The following FAM78B variants were observed in gnomAD, a reference collection of about 807,000 sequenced individuals.
The protein encoded by FAM78B is protein FAM78B.
FAM78B carries 10 observed loss-of-function variants against 20.0 expected under a neutral mutation model. The ratio of observed to expected loss-of-function variants is 0.50; its 90% CI spans 0.31 to 0.85. FAM78B has a LOEUF of 0.85. FAM78B is among the 40% of genes least tolerant of loss of function. The probability of loss-of-function intolerance (pLI) is 0.05; values close to 1 mark genes in which losing one functional copy is unlikely to be tolerated. For missense variants in FAM78B, 283 were observed against 345.0 expected (o/e 0.82, Z 1.42); for synonymous variants, 135 against 132.8 (o/e 1.02, Z -0.12).
chr1:166,124,469 G>A (rs979217428), intron 1 of FAM78B, among the ~76,000 whole-genome samples: 5 of 152,338 alleles, frequency 3.3e-5, no homozygotes, highest in Non-Finnish European at 7.3e-5. Flanking sequence ...ACAACCCTAT[G>A]AGGTGGGTAC....
chr1:166,087,901 A>G (rs1316432251), intron 1 of FAM78B, among the ~76,000 whole-genome samples: 2 of 152,292 alleles, frequency 1.3e-5, no homozygotes, highest in Non-Finnish European at 2.9e-5. Flanking sequence ...GTAAATGACT[A>G]CAGTGCAAGG....
chr1:166,099,545 A>T (rs1653423984), intron 1 of FAM78B, among the ~76,000 whole-genome samples: 1 of 152,118 alleles, frequency 6.6e-6, no homozygotes, highest in Non-Finnish European at 1.5e-5. Context: ...GCACATAAAG[A>T]CTCATATAAA....
chr1:166,117,225 AAT>A (rs1345846243), intron 1 of FAM78B, among the ~76,000 whole-genome samples: 2 of 152,168 alleles, frequency 1.3e-5, no homozygotes, highest in Non-Finnish European at 1.5e-5. Context: ...AGAATTCAAG[AAT>A]CCTACTCAAC....
chr1:166,063,546 C>T (rs1255990323), intron 2 of FAM78B, among the ~76,000 whole-genome samples: 1 of 150,854 alleles, frequency 6.6e-6, no homozygotes, highest in Non-Finnish European at 1.5e-5. Context: ...TATAGCAAGA[C>T]TCCAGCTCTG....
intron 1 of FAM78B, among the ~76,000 whole-genome samples, chr1:166,134,815 C>G (rs1655012479): frequency 6.6e-6 from 1 of 152,184 alleles, no homozygotes; most frequent in African/African-American, 2.4e-5. Context: ...CCATGATGCT[C>G]TCTAAAGGTT....
chr1:166,108,237 T>C (rs150294590), intron 1 of FAM78B, among the ~76,000 whole-genome samples: 1 of 149,652 alleles, frequency 6.7e-6, no homozygotes, highest in African/African-American at 2.4e-5. Context: ...TTGTTTACCT[T>C]GAAAACCCTA....
intron 1 of FAM78B, among the ~76,000 whole-genome samples, chr1:166,154,451 T>C (rs1655814077): frequency 6.6e-6 from 1 of 152,242 alleles, no homozygotes; most frequent in African/African-American, 2.4e-5. Context: ...TGCTAATCAC[T>C]GCATATAGAC....
intron 2 of FAM78B, among the ~76,000 whole-genome samples, chr1:166,063,666 T>G (rs1286529898): frequency 6.6e-6 from 1 of 152,180 alleles, no homozygotes; most frequent in Non-Finnish European, 1.5e-5. Flanking sequence ...TCCTCTCTGT[T>G]CCTAGTAATG....
At chr1:166,133,164 G>C (rs1269885972) in intron 1 of FAM78B, among the ~76,000 whole-genome samples, 1 of 152,150 alleles carries the variant, frequency 6.6e-6, no homozygotes, top group Non-Finnish European at 1.5e-5. Flanking sequence ...TCTGCTAGAG[G>C]TTAGACCCCA....
intron 1 of FAM78B, among the ~76,000 whole-genome samples, chr1:166,162,957 A>G (rs1285847067): frequency 6.6e-6 from 1 of 152,124 alleles, no homozygotes; most frequent in Non-Finnish European, 1.5e-5. Flanking sequence ...TCACCTCTAG[A>G]ACACCCTGCT....
chr1:166,061,288 G>A (rs989354818), intron 2 of FAM78B, among the ~76,000 whole-genome samples: 1 of 152,162 alleles, frequency 6.6e-6, no homozygotes, highest in Admixed American at 6.5e-5. Context: ...AACATATGAA[G>A]ATAGTTGCTC....
intron 1 of FAM78B, among the ~76,000 whole-genome samples, chr1:166,071,590 T>C (rs933788143): frequency 6.6e-6 from 1 of 152,260 alleles, no homozygotes; most frequent in Admixed American, 6.5e-5. Context: ...TAATTGCTGA[T>C]ACTTATTGAG....
intron 1 of FAM78B, among the ~76,000 whole-genome samples, chr1:166,140,381 G>T (rs1481682571): frequency 6.6e-6 from 1 of 152,222 alleles, no homozygotes; most frequent in African/African-American, 2.4e-5. Flanking sequence ...TATGTAAACC[G>T]AACTCCAGAT....
chr1:166,119,405 C>T (rs562659441), intron 1 of FAM78B, among the ~76,000 whole-genome samples: 2 of 152,258 alleles, frequency 1.3e-5, no homozygotes, highest in South Asian at 4.1e-4. Flanking sequence ...AGACGACGCA[C>T]ATGGTAAAAA....
chr1:166,066,120 T>A (rs1361969480), downstream of FAM78B, among the ~76,000 whole-genome samples: 1 of 152,196 alleles, frequency 6.6e-6, no homozygotes, highest in Non-Finnish European at 1.5e-5. Flanking sequence ...TGGCAGGGCC[T>A]TGTTCAGCTG....
At chr1:166,139,381 G>C (rs1415483563) in intron 1 of FAM78B, among the ~76,000 whole-genome samples, 1 of 152,204 alleles carries the variant, frequency 6.6e-6, no homozygotes, top group Non-Finnish European at 1.5e-5. Flanking sequence ...AACAGGCATT[G>C]AGAGTACTGT....
At chr1:166,121,069 G>A (rs1171295603) in intron 1 of FAM78B, among the ~76,000 whole-genome samples, 1 of 152,174 alleles carries the variant, frequency 6.6e-6, no homozygotes, top group Non-Finnish European at 1.5e-5. Context: ...TAAATTTGTA[G>A]AGCCTCGGGC....
At chr1:166,140,474 T>C (rs16856607) in intron 1 of FAM78B, among the ~76,000 whole-genome samples, 2,569 of 152,314 alleles carry the variant, frequency 0.017, 80 homozygotes, top group African/African-American at 0.059. Flanking sequence ...CAGGAAACGA[T>C]AGTTAGGATG....
chr1:166,125,244 C>G (rs1654597563), intron 1 of FAM78B, among the ~76,000 whole-genome samples: 1 of 152,138 alleles, frequency 6.6e-6, no homozygotes, highest in Non-Finnish European at 1.5e-5. Context: ...AGGCAGGTCT[C>G]TGACTCACTG....
Sources: gnomAD v4.1 joint callset for allele counts (sites outside exome capture counted in the v4.1 genomes callset) on GRCh38, gnomAD v4.1.1 for gene constraint, MANE v1.5 for transcripts, NCBI Gene and HGNC (gene_info 2026-07-23, HGNC 2026-07-21) for gene names.